Variants in TSPEAR observed in about 807,000 individuals in gnomAD.
TSPEAR encodes the protein thrombospondin type laminin G domain and EAR repeats.
In TSPEAR, 69 loss-of-function variants were observed where a neutral mutation model predicts 71.6. The observed-to-expected ratio is 0.96, with a 90% CI of 0.79 to 1.18. The LOEUF (loss-of-function observed/expected upper bound fraction) is 1.18, where lower values mean the gene tolerates loss of function less well. Ranked by LOEUF, TSPEAR falls within the 50% of genes most tolerant of loss-of-function variation. TSPEAR has a pLI of 0.00. For missense variants in TSPEAR, 971 were observed against 894.9 expected, an observed-to-expected ratio of 1.09 and a Z score of -1.09; for synonymous variants, 402 against 387.2, an observed-to-expected ratio of 1.04 and a Z score of -0.45.
intron 1 of TSPEAR, among the ~76,000 whole-genome samples, chr21:44,611,057 G>A (rs1555930753): frequency 6.6e-6 from 1 of 152,212 alleles, no homozygotes; most frequent in East Asian, 1.9e-4. Flanking sequence ...ATAGGTGGAA[G>A]AGACTTGTCT....
rs1025466108 is a variant in TSPEAR, at chr21:44,525,527, C to T, written c.1336+126G>A. ...CCAGACAGTGAGGAACGGTCCAGAA[C>T]GCATGTTCACCCTGTGCTGCATGTG... On this transcript the variant is annotated intron_variant, in intron 8 of 11. Transcript: ENST00000323084. 40 of 1,046,412 alleles carry T rather than the reference C, an allele frequency of 3.8e-5. 1 individual carries two copies. The highest frequency in any genetic ancestry group is 1.2e-4 in the East Asian group (5 of 41,818). 64.8% of individuals were successfully genotyped at this position (1,046,412 alleles called of 1,614,324 possible).
intron 2 of TSPEAR, chr21:44,539,220 C>CCTAACCCAGGTCAGGAACTGAGCCCAG (rs1555916755): frequency 6.4e-7 from 1 of 1,553,974 alleles, no homozygotes; most frequent in Admixed American, 1.8e-5. Context: ...GGGGAAGCCA[C>CCTAACCCAGGTCAGGAACTGAGCCCAG]CTAACCCAGG....
chr21:44,579,858 A>G (rs1555924650), intron 1 of TSPEAR: 1 of 1,597,516 alleles, frequency 6.3e-7, no homozygotes, highest in East Asian at 2.3e-5. Flanking sequence ...GCAGGGGCAC[A>G]GCAGGAGGAG....
rs587746890 is a variant in TSPEAR at position 44,514,297 on chromosome 21, C to G, written c.1567-4911G>C. Among the ~76,000 whole-genome samples the G allele has an allele frequency of 2.9e-3, 439 of 152,328 alleles. 6 individuals are homozygous for G. The highest frequency in any genetic ancestry group is 1.0e-3 in the Non-Finnish European group (70 of 68,022). On this transcript the variant is annotated intron_variant, in intron 9 of 11. Transcript: ENST00000323084. Reference sequence around the variant, plus strand: ...ACATGGCTGCCTGCCGGGCACCTGTCCCCAGAGTGGCCCCCACTGTATCCT... The same window carrying G: ...ACATGGCTGCCTGCCGGGCACCTGTGCCCAGAGTGGCCCCCACTGTATCCT...
intron 1 of TSPEAR, among the ~76,000 whole-genome samples, chr21:44,650,214 CA>C (rs34442804): frequency 0.52 from 75,784 of 145,312 alleles, 19,229 homozygotes; most frequent in Middle Eastern, 0.61. Flanking sequence ...AGACCCTCTC[CA>C]AAAAAAAAAA....
chr21:44,638,315 C>T, intron 1 of TSPEAR: 1 of 659,570 alleles, frequency 1.5e-6, no homozygotes, highest in South Asian at 2.3e-5. Flanking sequence ...CTCCCCCAGT[C>T]CTTCCCAGAT....
At chr21:44,666,779 C>G (rs781886196) in intron 1 of TSPEAR, 1 of 1,612,198 alleles carries the variant, frequency 6.2e-7, no homozygotes, top group Admixed American at 1.7e-5. Context: ...AGCCCACAGG[C>G]ACACAGCAGG....
At chr21:44,601,219 T>A (rs1555928660) in intron 1 of TSPEAR, 2 of 1,604,480 alleles carry the variant, frequency 1.2e-6, no homozygotes, top group East Asian at 4.5e-5. Context: ...CCAATCAGGC[T>A]GCATCAGCTC....
rs1988136134 is a variant in TSPEAR, at chr21:44,710,047, A to G, written c.82+1386T>C. Among the ~76,000 whole-genome samples the G allele has an allele frequency of 6.6e-6, 1 of 152,218 alleles. No individual in the cohort carries two copies. Among genetic ancestry groups the G allele is most frequent in the Non-Finnish European group, 1.5e-5 (1 of 68,038 alleles). On this transcript the variant is annotated intron_variant, in intron 1 of 11. Transcript: ENST00000323084. The surrounding 1 kb of genome is among the most constrained non-coding windows in gnomAD (Gnocchi z 4.6). ...TTCTGTTCCCTGAGCTAAAGGGAAC[A>G]TGAAAATACATGTCTGTGACTCATG... is the stretch of plus-strand genomic sequence containing the variant.
chr21:44,600,613 A>G (rs782148743), intron 1 of TSPEAR: 16 of 1,609,822 alleles, frequency 9.9e-6, no homozygotes, highest in East Asian at 2.2e-5. Flanking sequence ...CTCCAGTTCA[A>G]TCCCCAGCAT....
At chr21:44,656,372 T>C (rs1280320267) in intron 1 of TSPEAR, among the ~76,000 whole-genome samples, 3 of 152,170 alleles carry the variant, frequency 2.0e-5, no homozygotes, top group Non-Finnish European at 2.9e-5. Flanking sequence ...CAGGGGAGGA[T>C]TTCTCCCAGC....
intron 1 of TSPEAR, chr21:44,658,191 A>C (rs782565939): frequency 1.9e-6 from 3 of 1,613,930 alleles, no homozygotes; most frequent in Non-Finnish European, 2.5e-6. Context: ...CCCTCTTGCC[A>C]ATCTTCGGGG....
intron 1 of TSPEAR, among the ~76,000 whole-genome samples, chr21:44,650,675 A>G (rs587753194): frequency 1.1e-4 from 17 of 152,356 alleles, no homozygotes; most frequent in African/African-American, 4.1e-4. Flanking sequence ...GCCATGTCAC[A>G]TAGCTGGCGT....
intron 1 of TSPEAR, among the ~76,000 whole-genome samples, chr21:44,653,019 G>A (rs374234574): frequency 9.9e-5 from 15 of 152,004 alleles, no homozygotes; most frequent in East Asian, 9.7e-4. Flanking sequence ...TTAACCAAGC[G>A]TGGCGGCGGG....
Position 44,711,248 on chromosome 21 carries a change from C to T in TSPEAR, c.82+185G>A, listed in dbSNP as rs1430229554. The stretch of plus-strand genomic sequence containing the variant: ...ATTGCAACTGCCTGCCCTGCGCTTT[C>T]ATCTTCCCCACCTGTGCTCCTCCCG... On this transcript the variant is annotated intron_variant, in intron 1 of 11. Coordinates refer to ENST00000323084, the MANE Select transcript of TSPEAR (RefSeq NM_144991.3). This position sits in a 1 kb window ranked among gnomAD's most constrained non-coding sequence, Gnocchi z 4.5. Among the ~76,000 whole-genome samples, 5 of 152,056 alleles carry T rather than the reference C, an allele frequency of 3.3e-5. No individual in the cohort carries two copies. The highest frequency in any genetic ancestry group is 5.9e-5 in the Non-Finnish European group (4 of 68,000).
chr21:44,668,543 C>G (rs1054813641), intron 1 of TSPEAR, among the ~76,000 whole-genome samples: 6 of 152,146 alleles, frequency 3.9e-5, no homozygotes, highest in African/African-American at 2.4e-5. Context: ...AAAAACCCAT[C>G]CTAAAGTTTA....
At chr21:44,709,670 G>T (rs561459960) in intron 1 of TSPEAR, among the ~76,000 whole-genome samples, 1 of 152,244 alleles carries the variant, frequency 6.6e-6, no homozygotes, top group Non-Finnish European at 1.5e-5. Context: ...AAGCTGAGAC[G>T]GCGCAGCCAC....
chr21:44,686,613 C>CTG (rs1253278096), intron 1 of TSPEAR: 2 of 152,782 alleles, frequency 1.3e-5, no homozygotes, highest in African/African-American at 2.4e-5. Flanking sequence ...GCCTGCAGAC[C>CTG]TGTGACCTGC....
chr21:44,677,695 G>A (rs1986383215), intron 1 of TSPEAR: 1 of 1,419,774 alleles, frequency 7.0e-7, no homozygotes, highest in Non-Finnish European at 9.9e-7. Context: ...TCTCCCTTTT[G>A]TTTTTGGAGT....
Sources: allele counts gnomAD v4.1 joint callset (sites outside exome capture counted in the v4.1 genomes callset), GRCh38; gene constraint gnomAD v4.1.1; non-coding constraint Gnocchi (gnomAD v3.1); transcripts MANE v1.5; gene names NCBI Gene and HGNC (gene_info 2026-07-23, HGNC 2026-07-21).